HS6ST3: variants seen among roughly 807,000 people sequenced by gnomAD.
The protein encoded by HS6ST3 is heparan sulfate 6-O-sulfotransferase 3, also known as heparan-sulfate 6-O-sulfotransferase 3.
In HS6ST3, 12 loss-of-function variants were observed where a neutral mutation model predicts 36.7. The observed-to-expected ratio is 0.33, with a 90% CI of 0.21 to 0.53. The LOEUF (loss-of-function observed/expected upper bound fraction) is 0.53. Ranked by LOEUF, HS6ST3 falls within the 20% of genes least tolerant of loss-of-function variation. HS6ST3 has a pLI of 0.95. For missense variants in HS6ST3, 584 were observed against 640.9 expected (o/e 0.91, Z 0.96); for synonymous variants, 240 against 257.5 (o/e 0.93, Z 0.65).
At chr13:96,439,407 A>G (rs1431032782) in intron 1 of HS6ST3, among the ~76,000 whole-genome samples, 1 of 152,240 alleles carries the variant, frequency 6.6e-6, no homozygotes, top group Non-Finnish European at 1.5e-5. Context: ...ATAAAATGCT[A>G]ACTGTAATTC....
intron 1 of HS6ST3, among the ~76,000 whole-genome samples, chr13:96,734,589 A>C (rs1457713540): frequency 6.6e-5 from 10 of 152,192 alleles, no homozygotes; most frequent in Admixed American, 4.6e-4. Flanking sequence ...GAAATAGATT[A>C]AATATACACA....
chr13:96,408,429 A>G (rs2139460798), intron 1 of HS6ST3, among the ~76,000 whole-genome samples: 2 of 152,360 alleles, frequency 1.3e-5, no homozygotes, highest in Middle Eastern at 6.8e-3. Context: ...ATAAGCTACA[A>G]TATGGTAGCT....
intron 1 of HS6ST3, among the ~76,000 whole-genome samples, chr13:96,356,364 G>A (rs540964441): frequency 1.3e-5 from 2 of 152,162 alleles, no homozygotes; most frequent in African/African-American, 2.4e-5. Context: ...CAGAATAATT[G>A]CTATCTATGG....
At chr13:96,320,001 A>G (rs973826661) in intron 1 of HS6ST3, among the ~76,000 whole-genome samples, 2 of 152,146 alleles carry the variant, frequency 1.3e-5, no homozygotes, top group Non-Finnish European at 2.9e-5. Flanking sequence ...ACGTGATTCA[A>G]TGGTGGTGAG....
intron 1 of HS6ST3, among the ~76,000 whole-genome samples, chr13:96,125,174 G>C (rs2768777): frequency 6.6e-6 from 1 of 152,154 alleles, no homozygotes; most frequent in Non-Finnish European, 1.5e-5. Context: ...CCAAATTGCC[G>C]TTAAATCAAA....
At chr13:96,482,915 A>G (rs898082086) in intron 1 of HS6ST3, among the ~76,000 whole-genome samples, 1 of 152,138 alleles carries the variant, frequency 6.6e-6, no homozygotes, top group African/African-American at 2.4e-5. Flanking sequence ...TTTTCTTCCT[A>G]ATGTTACTTT....
chr13:96,344,714 A>T (rs2055145530), intron 1 of HS6ST3, among the ~76,000 whole-genome samples: 1 of 152,144 alleles, frequency 6.6e-6, no homozygotes, highest in Non-Finnish European at 1.5e-5. Flanking sequence ...CCTTCATTTG[A>T]TGTTCCTTTC....
chr13:96,182,257 A>G (rs1393905719), intron 1 of HS6ST3, among the ~76,000 whole-genome samples: 4 of 152,226 alleles, frequency 2.6e-5, no homozygotes, highest in Non-Finnish European at 5.9e-5. Flanking sequence ...GACTTTTGCT[A>G]AAATAATATT....
At chr13:96,685,639 C>T (rs1192421480) in intron 1 of HS6ST3, among the ~76,000 whole-genome samples, 1 of 151,986 alleles carries the variant, frequency 6.6e-6, no homozygotes, top group Non-Finnish European at 1.5e-5. Context: ...ACAATGTCCA[C>T]CCGTCGGAGA....
At chr13:96,487,089 G>T (rs921530907) in intron 1 of HS6ST3, among the ~76,000 whole-genome samples, 9 of 152,038 alleles carry the variant, frequency 5.9e-5, no homozygotes, top group African/African-American at 1.9e-4. Context: ...TTTATATTTG[G>T]CTGATCATCT....
chr13:96,117,796 T>G (rs1264174318), intron 1 of HS6ST3, among the ~76,000 whole-genome samples: 1 of 152,116 alleles, frequency 6.6e-6, no homozygotes, highest in Non-Finnish European at 1.5e-5. Context: ...ACAGGGACAT[T>G]GTTATGGGCT....
intron 1 of HS6ST3, among the ~76,000 whole-genome samples, chr13:96,173,792 A>G (rs2054199872): frequency 6.6e-6 from 1 of 150,910 alleles, no homozygotes; most frequent in Non-Finnish European, 1.5e-5. Context: ...TCAATTGAGG[A>G]TTGCATTCCA....
chr13:96,800,178 A>G (rs1401887068), intron 1 of HS6ST3, among the ~76,000 whole-genome samples: 2 of 150,820 alleles, frequency 1.3e-5, no homozygotes, highest in Admixed American at 6.7e-5. Flanking sequence ...AAATATTATT[A>G]CAGTAATTTT....
rs561331495 is a variant in HS6ST3, at chr13:96,203,145, C to T, written c.707+111576C>T. ...CACTTTCCATTTTAAGATATAAACA[C>T]GGCCCTACTCCGTTTGCGCTGCTAT... On this transcript the variant is annotated intron_variant, in intron 1 of 1. Coordinates refer to ENST00000376705, the MANE Select transcript of HS6ST3 (RefSeq NM_153456.4). Among the ~76,000 whole-genome samples, 5 of 152,300 alleles carry T rather than the reference C, an allele frequency of 3.3e-5. 1 individual carries two copies. The highest frequency in any genetic ancestry group is 4.1e-4 in the South Asian group (2 of 4,832).
intron 1 of HS6ST3, among the ~76,000 whole-genome samples, chr13:96,436,160 A>C (rs1431114345): frequency 6.6e-6 from 1 of 152,228 alleles, no homozygotes; most frequent in South Asian, 2.1e-4. Flanking sequence ...ACTTGGAAAC[A>C]GTCATTTGTT....
At chr13:96,382,475 C>G (rs2055346062) in intron 1 of HS6ST3, among the ~76,000 whole-genome samples, 1 of 152,172 alleles carries the variant, frequency 6.6e-6, no homozygotes, top group Non-Finnish European at 1.5e-5. Context: ...GAAAATATAT[C>G]TTGATAAACT....
chr13:96,414,672 G>C (rs544788592), intron 1 of HS6ST3, among the ~76,000 whole-genome samples: 1 of 152,122 alleles, frequency 6.6e-6, no homozygotes, highest in Non-Finnish European at 1.5e-5. Flanking sequence ...AGTAGAGATG[G>C]AGTTTTACCA....
rs74107167 is a variant in HS6ST3 at position 96,717,249 on chromosome 13, A to T, written c.708-115241A>T. On this transcript the variant is annotated intron_variant, in intron 1 of 1. Transcript: ENST00000376705. Reference sequence around the variant, plus strand: ...GGCAGATCATATGATTCTGCTGTCCACTTGCATGAAGTAAATCTCCTACAA... The same window carrying T: ...GGCAGATCATATGATTCTGCTGTCCTCTTGCATGAAGTAAATCTCCTACAA... Among the ~76,000 whole-genome samples, 1,339 of 152,318 alleles carry T rather than the reference A, an allele frequency of 8.8e-3. 29 individuals are homozygous for T. Among genetic ancestry groups the T allele is most frequent in the African/African-American group, 0.03 (1,252 of 41,574 alleles).
chr13:96,378,629 A>G (rs1435377889), intron 1 of HS6ST3, among the ~76,000 whole-genome samples: 3 of 152,094 alleles, frequency 2.0e-5, no homozygotes, highest in Non-Finnish European at 4.4e-5. Flanking sequence ...TGTACTTTCT[A>G]TGACGGCCCC....
Sources: allele counts gnomAD v4.1 joint callset (sites outside exome capture counted in the v4.1 genomes callset), GRCh38; gene constraint gnomAD v4.1.1; transcripts MANE v1.5; gene names NCBI Gene and HGNC (gene_info 2026-07-23, HGNC 2026-07-21).